The following GLIS3 variants were observed in gnomAD, a reference collection of about 807,000 sequenced individuals.
The protein encoded by GLIS3 is GLIS family zinc finger 3, also known as zinc finger protein GLIS3.
In GLIS3, 53 loss-of-function variants were observed where a neutral mutation model predicts 78.6. The ratio of observed to expected loss-of-function variants is 0.67; its 90% CI spans 0.54 to 0.85. GLIS3 has a LOEUF of 0.85. GLIS3 is among the 40% of genes least tolerant of loss of function. The probability of loss-of-function intolerance (pLI) is 0.00; values close to 1 mark genes in which losing one functional copy is unlikely to be tolerated. For synonymous variants in GLIS3, 684 were observed against 509.9 expected (o/e 1.34, Z -4.60); for missense variants, 1,703 against 1,231.1 (o/e 1.38, Z -5.74).
chr9:4,000,942 G>T (rs141556758), intron 4 of GLIS3, among the ~76,000 whole-genome samples: 292 of 152,292 alleles, frequency 1.9e-3, no homozygotes, highest in Non-Finnish European at 2.9e-3. Flanking sequence ...CTTTCACAAA[G>T]CTATATGCCA....
chr9:4,440,652 C>T, the GLIS3 span, among the ~76,000 whole-genome samples: 1 of 152,112 alleles, frequency 6.6e-6, no homozygotes, highest in Non-Finnish European at 1.5e-5. Flanking sequence ...TTCAAGGTTT[C>T]TGTGGTTCCA....
At chr9:4,150,786 T>C (rs979526252) in intron 2 of GLIS3, among the ~76,000 whole-genome samples, 8 of 152,170 alleles carry the variant, frequency 5.3e-5, no homozygotes, top group African/African-American at 1.4e-4. Context: ...AGTCCAGAGA[T>C]GTAAAGTGAC....
chr9:4,427,446 T>C, the GLIS3 span, among the ~76,000 whole-genome samples: 1 of 152,182 alleles, frequency 6.6e-6, no homozygotes. Context: ...AAACTTCAAG[T>C]TCAGCACCCA....
chr9:4,404,393 A>G, the GLIS3 span, among the ~76,000 whole-genome samples: 1 of 152,176 alleles, frequency 6.6e-6, no homozygotes, highest in Non-Finnish European at 1.5e-5. Flanking sequence ...GTCACAAAAC[A>G]TGTCATCCAA....
the GLIS3 span, among the ~76,000 whole-genome samples, chr9:4,396,062 G>A: frequency 6.6e-6 from 1 of 150,602 alleles, no homozygotes; most frequent in Non-Finnish European, 1.5e-5. Context: ...GTGAGCCACT[G>A]CGCCTAGCCT....
the GLIS3 span, among the ~76,000 whole-genome samples, chr9:4,463,850 G>C: frequency 2.0e-5 from 3 of 152,168 alleles, no homozygotes; most frequent in Non-Finnish European, 2.9e-5. Context: ...CAGGAGTGCA[G>C]GCAGTCATTG....
intron 4 of GLIS3, among the ~76,000 whole-genome samples, chr9:4,012,416 T>TA: frequency 6.6e-6 from 1 of 152,164 alleles, no homozygotes; most frequent in East Asian, 1.9e-4. Flanking sequence ...TGTCTTTTTT[T>TA]ACCTGTATCA....
intron 9 of GLIS3, among the ~76,000 whole-genome samples, chr9:3,844,490 C>T (rs1818919026): frequency 6.6e-6 from 1 of 152,124 alleles, no homozygotes; most frequent in African/African-American, 2.4e-5. Context: ...ACATTTGCTT[C>T]TAGAAAGATG....
intron 4 of GLIS3, among the ~76,000 whole-genome samples, chr9:4,099,455 A>G (rs1203881241): frequency 7.9e-6 from 1 of 127,182 alleles, no homozygotes; most frequent in Non-Finnish European, 1.7e-5. Flanking sequence ...CCTTCCCCCA[A>G]TGCACACATG....
chr9:4,281,143 C>T (rs951110116), intron 2 of GLIS3, among the ~76,000 whole-genome samples: 3 of 152,252 alleles, frequency 2.0e-5, no homozygotes, highest in East Asian at 1.9e-4. Context: ...CATTCTTAAA[C>T]AACCACAAAT....
the GLIS3 span, among the ~76,000 whole-genome samples, chr9:4,367,257 T>C: frequency 6.6e-6 from 1 of 152,230 alleles, no homozygotes; most frequent in Non-Finnish European, 1.5e-5. Context: ...TCGCTTTACA[T>C]TTGTTGAACT....
At chr9:4,297,043 A>C (rs1219556126) in intron 1 of GLIS3, among the ~76,000 whole-genome samples, 1 of 152,106 alleles carries the variant, frequency 6.6e-6, no homozygotes, top group African/African-American at 2.4e-5. Flanking sequence ...TTCACACAGA[A>C]CCAGCGGAAA....
At chr9:4,463,960 A>G in the GLIS3 span, among the ~76,000 whole-genome samples, 1 of 152,206 alleles carries the variant, frequency 6.6e-6, no homozygotes, top group Admixed American at 6.5e-5. Flanking sequence ...AATACTTCGA[A>G]GAAAAAAAAT....
intron 6 of GLIS3, among the ~76,000 whole-genome samples, chr9:3,917,111 G>A (rs916360358): frequency 6.6e-6 from 1 of 152,202 alleles, no homozygotes. Flanking sequence ...AAAAATGCAC[G>A]TAAATGCAGT....
intron 2 of GLIS3, among the ~76,000 whole-genome samples, chr9:4,331,709 G>C (rs981229517): frequency 7.2e-5 from 11 of 152,178 alleles, no homozygotes; most frequent in Non-Finnish European, 1.5e-4. Flanking sequence ...ACTGGTCACA[G>C]ACTTGAGTGT....
At chr9:3,972,055 C>A (rs373370471) in intron 4 of GLIS3, among the ~76,000 whole-genome samples, 1 of 152,114 alleles carries the variant, frequency 6.6e-6, no homozygotes, top group Non-Finnish European at 1.5e-5. Flanking sequence ...AACACACTAG[C>A]GTGTTAGCAT....
intron 2 of GLIS3, among the ~76,000 whole-genome samples, chr9:4,262,204 T>A (rs1275271475): frequency 6.6e-6 from 1 of 152,140 alleles, no homozygotes; most frequent in African/African-American, 2.4e-5. Context: ...ACTCTCCGGC[T>A]ACCTCCTGGA....
At chr9:4,048,993 C>A (rs1030496439) in intron 4 of GLIS3, among the ~76,000 whole-genome samples, 2 of 152,152 alleles carry the variant, frequency 1.3e-5, no homozygotes, top group Admixed American at 1.3e-4. Context: ...AGTCAGCAGA[C>A]CTCAATCTGG....
At chr9:3,938,381 T>C (rs1029448604) in intron 4 of GLIS3, among the ~76,000 whole-genome samples, 1 of 152,192 alleles carries the variant, frequency 6.6e-6, no homozygotes, top group Non-Finnish European at 1.5e-5. Flanking sequence ...CAGGTATAAC[T>C]TAACCTTGCT....
Sources: gnomAD v4.1 joint callset for allele counts (sites outside exome capture counted in the v4.1 genomes callset) on GRCh38, gnomAD v4.1.1 for gene constraint, MANE v1.5 for transcripts, NCBI Gene and HGNC (gene_info 2026-07-23, HGNC 2026-07-21) for gene names.